ADK: variants seen among roughly 807,000 people sequenced by gnomAD.
The protein encoded by ADK is adenosine kinase, also known as N6,N6-dimethyladenosine kinase.
Under a neutral mutation model 44.7 loss-of-function variants are expected in ADK, and 24 were observed. The ratio of observed to expected loss-of-function variants is 0.54; its 90% CI spans 0.39 to 0.76. The LOEUF (loss-of-function observed/expected upper bound fraction) is 0.76. ADK is among the 30% of genes least tolerant of loss of function. The probability of loss-of-function intolerance (pLI) is 0.00; values close to 1 mark genes in which losing one functional copy is unlikely to be tolerated. For missense variants in ADK, 321 were observed against 425.1 expected (o/e 0.76, Z 2.15); for synonymous variants, 128 against 142.6 (o/e 0.90, Z 0.73).
At chr10:74,689,117 C>T (rs1166752937) in intron 10 of ADK, among the ~76,000 whole-genome samples, 2 of 151,604 alleles carry the variant, frequency 1.3e-5, no homozygotes, top group South Asian at 2.1e-4. Flanking sequence ...GGCGTGGTGG[C>T]GGGCGCCTGT....
At position 74,377,631 on chromosome 10, in the gene ADK, G is replaced by A. The variant is rs1341600431; in HGVS notation, c.274-16510G>A. On this transcript the variant is annotated intron_variant, in intron 4 of 10. Transcript: ENST00000539909. ...TTTATCAGGAAGGATTGCTTTGTAA[G>A]TTGGTCAGCAGTCATGTCAAAACCA... Among the ~76,000 whole-genome samples, 7 of 152,182 alleles carry A rather than the reference G, an allele frequency of 4.6e-5. No individual in the cohort carries two copies. The East Asian group carries it at 1.3e-3, about 29-fold the overall frequency.
intron 4 of ADK, among the ~76,000 whole-genome samples, chr10:74,382,000 G>C (rs1842988258): frequency 6.6e-6 from 1 of 152,128 alleles, no homozygotes; most frequent in South Asian, 2.1e-4. Context: ...ATGCTTCTCT[G>C]TGGATTTTGT....
intron 4 of ADK, among the ~76,000 whole-genome samples, chr10:74,319,783 A>G (rs1235399788): frequency 6.6e-6 from 1 of 152,140 alleles, no homozygotes; most frequent in East Asian, 1.9e-4. Context: ...TTTGAATTAC[A>G]ATGAACATTC....
chr10:74,613,302 T>C (rs148262107), intron 9 of ADK, among the ~76,000 whole-genome samples: 44 of 152,232 alleles, frequency 2.9e-4, no homozygotes, highest in Middle Eastern at 3.4e-3. Context: ...CACCTGTCAC[T>C]TTGAGAATCA....
chr10:74,560,721 G>A (rs1488416100), intron 7 of ADK, among the ~76,000 whole-genome samples: 2 of 152,110 alleles, frequency 1.3e-5, no homozygotes, highest in Non-Finnish European at 2.9e-5. Context: ...ATAGCTAGTA[G>A]CATTTCACCC....
intron 6 of ADK, among the ~76,000 whole-genome samples, chr10:74,497,178 A>G (rs1337914487): frequency 6.6e-6 from 1 of 152,194 alleles, no homozygotes; most frequent in African/African-American, 2.4e-5. Context: ...CCAAAAAATA[A>G]TATTTGTACA....
At chr10:74,272,423 G>A (rs889696951) in intron 3 of ADK, among the ~76,000 whole-genome samples, 16 of 151,844 alleles carry the variant, frequency 1.1e-4, no homozygotes, top group Non-Finnish European at 2.2e-4. Flanking sequence ...CTACAGGCGC[G>A]CACTACCATG....
intron 3 of ADK, among the ~76,000 whole-genome samples, chr10:74,293,320 T>C (rs1430538596): frequency 1.3e-5 from 2 of 152,072 alleles, no homozygotes; most frequent in African/African-American, 2.4e-5. Context: ...AGCCACAAAT[T>C]ACAAATTATG....
intron 6 of ADK, among the ~76,000 whole-genome samples, chr10:74,512,660 T>A (rs1848386997): frequency 6.6e-6 from 1 of 151,794 alleles, no homozygotes; most frequent in Admixed American, 6.6e-5. Context: ...TATTTAGATC[T>A]TCTCTCTTTT....
At chr10:74,488,374 C>CGTGTGTGTGTGTGT (rs60178427) in intron 6 of ADK, among the ~76,000 whole-genome samples, 18 of 140,768 alleles carry the variant, frequency 1.3e-4, no homozygotes, top group African/African-American at 4.4e-4. Flanking sequence ...GGAAAAAAGA[C>CGTGTGTGTGTGTGT]GTGTGTGTGT....
chr10:74,632,611 A>G (rs535501170), intron 9 of ADK, among the ~76,000 whole-genome samples: 1 of 147,166 alleles, frequency 6.8e-6, no homozygotes, highest in South Asian at 2.2e-4. Flanking sequence ...TTCTGTGCCC[A>G]CTCCTTTTAT....
intron 9 of ADK, among the ~76,000 whole-genome samples, chr10:74,601,095 C>G (rs769263881): frequency 3.9e-5 from 6 of 151,918 alleles, no homozygotes; most frequent in Non-Finnish European, 5.9e-5. Flanking sequence ...TAAACTGGAG[C>G]AATTTAGTAT....
chr10:74,565,936 GTTCTAAAA>G (rs1418379747), intron 7 of ADK, among the ~76,000 whole-genome samples: 1 of 152,096 alleles, frequency 6.6e-6, no homozygotes, highest in East Asian at 1.9e-4. Flanking sequence ...CTTTCCATAT[GTTCTAAAA>G]TTCCTTAGGA....
At chr10:74,678,495 A>G (rs920889752) in intron 10 of ADK, among the ~76,000 whole-genome samples, 23 of 152,220 alleles carry the variant, frequency 1.5e-4, no homozygotes, top group Non-Finnish European at 3.1e-4. Flanking sequence ...TCCCTCAAAG[A>G]CCTAATATCC....
intron 6 of ADK, among the ~76,000 whole-genome samples, chr10:74,519,148 A>G (rs1848711342): frequency 1.3e-5 from 2 of 151,990 alleles, no homozygotes; most frequent in South Asian, 4.1e-4. Context: ...CATAAAAATT[A>G]TTAGATTTTA....
At chr10:74,372,026 C>T in intron 4 of ADK, 1 of 771,030 alleles carries the variant, frequency 1.3e-6, no homozygotes. Flanking sequence ...TTCTATGCAA[C>T]AATAAGGGAG....
At chr10:74,152,970 G>A (rs1841649155) in intron 1 of ADK, among the ~76,000 whole-genome samples, 1 of 152,124 alleles carries the variant, frequency 6.6e-6, no homozygotes, top group Admixed American at 6.5e-5. Flanking sequence ...GACATTTTAG[G>A]ATCGGCTATT....
chr10:74,263,670 T>C (rs1846120612), intron 3 of ADK, among the ~76,000 whole-genome samples: 1 of 152,220 alleles, frequency 6.6e-6, no homozygotes, highest in Non-Finnish European at 1.5e-5. Context: ...TCCAGTTTTG[T>C]TTTTAGCTGT....
chr10:74,362,326 A>T lies in ADK; in HGVS notation c.274-31815A>T, dbSNP rs574085069. Among the ~76,000 whole-genome samples the T allele has an allele frequency of 7.3e-5, 11 of 150,516 alleles. No homozygotes were observed. In the South Asian group the frequency reaches 2.1e-3, roughly 29 times the overall value. On this transcript the variant is annotated intron_variant, in intron 4 of 10. Coordinates refer to ENST00000539909, the MANE Select transcript of ADK (RefSeq NM_006721.4). ...AACTCACTGATTCTTTTATTTGGTT[A>T]ATTCTGCTTCTGTTGCTCTCTATTG...
Sources: gnomAD v4.1 joint callset for allele counts (sites outside exome capture counted in the v4.1 genomes callset) on GRCh38, gnomAD v4.1.1 for gene constraint, MANE v1.5 for transcripts, NCBI Gene and HGNC (gene_info 2026-07-23, HGNC 2026-07-21) for gene names.